MICU3: variants seen among roughly 807,000 people sequenced by gnomAD.
The protein encoded by MICU3 is mitochondrial calcium uptake 3, also known as calcium uptake protein 3, mitochondrial.
A neutral mutation model predicts 66.5 loss-of-function variants in MICU3; 62 were observed. The ratio of observed to expected loss-of-function variants is 0.93; its 90% CI spans 0.76 to 1.15. MICU3 has a LOEUF of 1.15. Among genes scored for constraint, MICU3 ranks in the 50% most tolerant of loss-of-function variants. The pLI, the probability that MICU3 is intolerant of heterozygous loss-of-function variation, is 0.00. For synonymous variants in MICU3, 308 were observed against 240.7 expected (o/e 1.28, Z -2.59); for missense variants, 779 against 664.4 (o/e 1.17, Z -1.90).
intron 8 of MICU3, among the ~76,000 whole-genome samples, chr8:17,094,254 A>G (rs547539393): frequency 6.6e-6 from 1 of 152,078 alleles, no homozygotes; most frequent in African/African-American, 2.4e-5. Flanking sequence ...TTTTGCTGTT[A>G]ACAGTGGCTT....
At chr8:17,129,263 T>C in the MICU3 span, among the ~76,000 whole-genome samples, 5 of 152,106 alleles carry the variant, frequency 3.3e-5, no homozygotes, top group Non-Finnish European at 7.4e-5. Flanking sequence ...AGTAAGCCAA[T>C]ATTAGGCTAA....
At chr8:17,105,653 C>G (rs1801678354) in intron 11 of MICU3, 69 bp downstream of exon 11, 3 of 846,264 alleles carry the variant, frequency 3.5e-6, no homozygotes, top group Non-Finnish European at 5.2e-6. Context: ...ACACATTGCC[C>G]TTTTGTTAGT....
chr8:17,125,547 A>G (rs1347501132), downstream of MICU3, among the ~76,000 whole-genome samples: 1 of 152,114 alleles, frequency 6.6e-6, no homozygotes, highest in African/African-American at 2.4e-5. Context: ...TAGCTGGGGC[A>G]TTTCATACGA....
chr8:17,057,823 TTTG>T (rs1229534284), intron 1 of MICU3, among the ~76,000 whole-genome samples: 1 of 151,090 alleles, frequency 6.6e-6, no homozygotes, highest in Non-Finnish European at 1.5e-5. Context: ...TTTTTCGTTT[TTTG>T]TTGTTGTTCT....
chr8:17,055,859 G>C (rs1327149789), intron 1 of MICU3, among the ~76,000 whole-genome samples: 1 of 152,190 alleles, frequency 6.6e-6, no homozygotes, highest in Non-Finnish European at 1.5e-5. Context: ...ATACAGTAGA[G>C]AAGGGATTAA....
Position 17,103,775 on chromosome 8 carries a change from G to A in MICU3, c.985-616G>A, listed in dbSNP as rs374001011. On this transcript the variant is annotated intron_variant, in intron 9 of 14. Coordinates refer to ENST00000318063, the MANE Select transcript of MICU3 (RefSeq NM_181723.3). Reference sequence around the variant, plus strand: ...GGAATTAATTTTTTATCCATTTGACGTGTTACGTAAGACTTTGAAAAAATT... The same window carrying A: ...GGAATTAATTTTTTATCCATTTGACATGTTACGTAAGACTTTGAAAAAATT... Among the ~76,000 whole-genome samples, 114 of 151,898 alleles carry A rather than the reference G, an allele frequency of 7.5e-4. 4 individuals carry two copies. The South Asian group carries it at 0.022, about 30-fold the overall frequency.
chr8:17,085,906 T>A (rs115613134), intron 6 of MICU3, among the ~76,000 whole-genome samples: 1,529 of 152,246 alleles, frequency 0.01, 34 homozygotes, highest in African/African-American at 0.035. Flanking sequence ...ATACCCTGCT[T>A]CCAGAATTTT....
At chr8:17,077,599 G>T (rs931778812) in intron 3 of MICU3, among the ~76,000 whole-genome samples, 184 bp from the exon 4 acceptor site, 1 of 152,040 alleles carries the variant, frequency 6.6e-6, no homozygotes, top group African/African-American at 2.4e-5. Flanking sequence ...TTTATTTTAT[G>T]TTTGAACTGT....
In MICU3 at chr8:17,091,596, A is replaced by G. The variant is rs139389358; in HGVS notation, c.888+1012A>G. Among the ~76,000 whole-genome samples the G allele has an allele frequency of 8.6e-3, 1,301 of 152,076 alleles. 14 individuals are homozygous for G. The highest frequency in any genetic ancestry group is 0.03 in the African/African-American group (1,226 of 41,496). On this transcript the variant is annotated intron_variant, in intron 8 of 14. Coordinates refer to ENST00000318063, the MANE Select transcript of MICU3 (RefSeq NM_181723.3). ...GATCCCTGTAAACTAAACCTAAGAT[A>G]TTTTTCCTCATTATACAAAATGGAC...
chr8:17,086,860 T>G, intron 6 of MICU3, 104 bp from the exon 7 acceptor site: 2 of 701,970 alleles, frequency 2.8e-6, no homozygotes, highest in South Asian at 3.3e-5. Flanking sequence ...TCTTGGTGGA[T>G]GAAGCTGTTT....
chr8:17,112,966 A>G (rs1802339679), intron 11 of MICU3, among the ~76,000 whole-genome samples: 1 of 152,200 alleles, frequency 6.6e-6, no homozygotes, highest in Non-Finnish European at 1.5e-5. Context: ...TAGGGTCACA[A>G]AGCAGGATCC....
Position 17,105,497 on chromosome 8 carries a change from T to C in MICU3, c.1170T>C (p.Asp390=). ...GAATGAATACCATCAGTGAAGAAGA[T>C]TTTGCTCATATTCTTTTACGATATA... ...SNGMNTISEE[D]FAHILLRYTN... is the part of the protein sequence containing the mutation. Residue 390 remains aspartate (D), a synonymous_variant, in exon 11 of 15, where the codon GAT becomes GAC. Transcript: ENST00000318063. 1 of 1,575,540 alleles carries C rather than the reference T, an allele frequency of 6.3e-7. No individual in the cohort carries two copies. The highest frequency in any genetic ancestry group is 8.6e-7 in the Non-Finnish European group (1 of 1,156,314).
the MICU3 span, among the ~76,000 whole-genome samples, chr8:17,134,846 C>T: frequency 1.3e-5 from 2 of 152,272 alleles, no homozygotes; most frequent in East Asian, 3.9e-4. Flanking sequence ...AAATGTTAAA[C>T]TCCTCCAAAA....
chr8:17,045,147 A>G (rs537155357), intron 1 of MICU3, among the ~76,000 whole-genome samples: 7 of 152,260 alleles, frequency 4.6e-5, no homozygotes, highest in South Asian at 2.1e-4. Context: ...TTAAACGAAA[A>G]TGCTCAAAAA....
At chr8:17,048,380 A>G (rs2150558107) in intron 1 of MICU3, among the ~76,000 whole-genome samples, 1 of 152,316 alleles carries the variant, frequency 6.6e-6, no homozygotes, top group South Asian at 2.1e-4. Context: ...AAGGAGTAGC[A>G]AAATCACATC....
At chr8:17,036,632 C>T (rs1280088403) in intron 1 of MICU3, among the ~76,000 whole-genome samples, 8 of 152,274 alleles carry the variant, frequency 5.3e-5, no homozygotes, top group African/African-American at 1.4e-4. Context: ...TACAGATTGT[C>T]GATTGGTGCA....
chr8:17,064,528 C>T (rs989552220), intron 2 of MICU3, among the ~76,000 whole-genome samples: 3 of 152,136 alleles, frequency 2.0e-5, no homozygotes, highest in African/African-American at 7.2e-5. Flanking sequence ...CAAACCTGAA[C>T]AGAGTAGTTC....
At chr8:17,129,783 A>C in the MICU3 span, among the ~76,000 whole-genome samples, 8 of 152,342 alleles carry the variant, frequency 5.3e-5, no homozygotes, top group Admixed American at 1.3e-4. Flanking sequence ...GAAATGTGTA[A>C]GAGTTTCAAG....
intron 1 of MICU3, among the ~76,000 whole-genome samples, chr8:17,042,787 G>T (rs781329180): frequency 6.6e-5 from 10 of 151,968 alleles, no homozygotes; most frequent in Non-Finnish European, 1.5e-4. Flanking sequence ...AAAGAATTTC[G>T]AAACAATCCT....
Sources: gnomAD v4.1 joint callset for allele counts (sites outside exome capture counted in the v4.1 genomes callset) on GRCh38, gnomAD v4.1.1 for gene constraint, MANE v1.5 for transcripts, NCBI Gene and HGNC (gene_info 2026-07-23, HGNC 2026-07-21) for gene names.